LINGO2: variants seen among roughly 807,000 people sequenced by gnomAD.
LINGO2 encodes the protein leucine rich repeat and Ig domain containing 2, also known as leucine-rich repeat and immunoglobulin-like domain-containing nogo receptor-interacting protein 2.
LINGO2 carries 14 observed loss-of-function variants against 30.6 expected under a neutral mutation model. The ratio of observed to expected loss-of-function variants is 0.46; its 90% CI spans 0.30 to 0.72. LINGO2 has a LOEUF of 0.72. Among genes scored for constraint, LINGO2 ranks in the 30% least tolerant of loss-of-function variants. LINGO2 has a pLI of 0.07. For missense variants in LINGO2, 729 were observed against 751.7 expected (o/e 0.97, Z 0.35); for synonymous variants, 317 against 288.5 (o/e 1.10, Z -1.00).
At chr9:28,495,467 A>T (rs1332350017) in intron 1 of LINGO2, among the ~76,000 whole-genome samples, 3 of 152,202 alleles carry the variant, frequency 2.0e-5, no homozygotes, top group Non-Finnish European at 4.4e-5. Flanking sequence ...CATTTATTAA[A>T]TAGGGAATCC....
the LINGO2 span, among the ~76,000 whole-genome samples, chr9:29,037,424 T>C: frequency 6.6e-6 from 1 of 151,928 alleles, no homozygotes; most frequent in Non-Finnish European, 1.5e-5. Context: ...GTAGCTTATA[T>C]TATGTTAAAA....
Position 28,277,073 on chromosome 9 carries a change from A to C in LINGO2, c.-87+18135T>G, listed in dbSNP as rs148589225. Among the ~76,000 whole-genome samples the C allele has an allele frequency of 2.8e-3, 432 of 152,166 alleles. 3 individuals are homozygous for C. Among genetic ancestry groups the C allele is most frequent in the African/African-American group, 1.0e-2 (414 of 41,510 alleles). On this transcript the variant is annotated intron_variant, in intron 4 of 5. Coordinates refer to ENST00000379992, the Ensembl canonical transcript of LINGO2. ...ATTTTATTTTGCTTTGCTTTGTTGCACTTTGTGATACTGCATTTTTATACA... is the reference window on the plus strand; with the variant it reads ...ATTTTATTTTGCTTTGCTTTGTTGCCCTTTGTGATACTGCATTTTTATACA...
intron 5 of LINGO2, among the ~76,000 whole-genome samples, chr9:27,997,958 G>T: frequency 1.3e-5 from 2 of 148,486 alleles, no homozygotes; most frequent in Non-Finnish European, 3.0e-5. Flanking sequence ...TTTTTTTGGG[G>T]TGGGAGGGGG....
chr9:28,375,138 A>ACC (rs750645087), intron 2 of LINGO2, among the ~76,000 whole-genome samples: 1 of 122,204 alleles, frequency 8.2e-6, no homozygotes, highest in South Asian at 2.5e-4. Flanking sequence ...ACACACATAC[A>ACC]CCCCACACTA....
At chr9:28,740,895 CT>C in the LINGO2 span, among the ~76,000 whole-genome samples, 14 of 152,000 alleles carry the variant, frequency 9.2e-5, no homozygotes, top group Non-Finnish European at 2.1e-4. Context: ...TTCCTCATAT[CT>C]AACTGAATTG....
intron 2 of LINGO2, among the ~76,000 whole-genome samples, chr9:28,385,530 TTCTG>T (rs1398275155): frequency 6.6e-6 from 1 of 152,306 alleles, no homozygotes; most frequent in African/African-American, 2.4e-5. Context: ...ATTTTCTTCT[TTCTG>T]GGCAAATAAA....
At chr9:28,003,142 G>T (rs1281922588) in intron 5 of LINGO2, among the ~76,000 whole-genome samples, 1 of 152,154 alleles carries the variant, frequency 6.6e-6, no homozygotes, top group Non-Finnish European at 1.5e-5. Context: ...GAAAGCATTA[G>T]TGATCCTGCC....
the LINGO2 span, among the ~76,000 whole-genome samples, chr9:29,093,813 T>C: frequency 7.3e-6 from 1 of 137,050 alleles, no homozygotes; most frequent in Non-Finnish European, 1.6e-5. Flanking sequence ...AGGAAGAAAA[T>C]AGTGGAAATT....
chr9:28,078,843 T>C (rs1370304661), intron 4 of LINGO2, among the ~76,000 whole-genome samples: 1 of 133,580 alleles, frequency 7.5e-6, no homozygotes, highest in South Asian at 2.3e-4. Flanking sequence ...AGCAAAACTC[T>C]GTCAAAAAAA....
intron 4 of LINGO2, among the ~76,000 whole-genome samples, chr9:28,125,088 G>A (rs367882535): frequency 2.6e-5 from 4 of 152,290 alleles, no homozygotes; most frequent in South Asian, 4.1e-4. Flanking sequence ...CAGAACTCTG[G>A]AGCCAGAAAA....
intron 3 of LINGO2, among the ~76,000 whole-genome samples, chr9:28,312,388 G>A (rs1408157195): frequency 6.6e-6 from 1 of 151,552 alleles, no homozygotes; most frequent in Admixed American, 6.6e-5. Flanking sequence ...GGTGGTCAAG[G>A]AAAATAAGAA....
the LINGO2 span, among the ~76,000 whole-genome samples, chr9:28,824,274 A>G: frequency 6.6e-6 from 1 of 152,182 alleles, no homozygotes; most frequent in Non-Finnish European, 1.5e-5. Context: ...GGAGTGTGGA[A>G]CAAGATAGAA....
the LINGO2 span, among the ~76,000 whole-genome samples, chr9:28,708,448 C>T: frequency 1.3e-5 from 2 of 152,134 alleles, no homozygotes; most frequent in African/African-American, 4.8e-5. Flanking sequence ...CTTAGCTGCT[C>T]TCTTTCTCTG....
At chr9:28,759,478 C>T in the LINGO2 span, among the ~76,000 whole-genome samples, 1 of 151,716 alleles carries the variant, frequency 6.6e-6, no homozygotes, top group Non-Finnish European at 1.5e-5. Flanking sequence ...GTCAGGAGAT[C>T]GAGACCATCC....
chr9:29,110,845 C>A, the LINGO2 span, among the ~76,000 whole-genome samples: 5 of 151,930 alleles, frequency 3.3e-5, no homozygotes, highest in African/African-American at 1.2e-4. Flanking sequence ...CGCTCGCCAC[C>A]ACGCCCAGCT....
chr9:28,166,074 T>C (rs922538229), intron 4 of LINGO2, among the ~76,000 whole-genome samples: 4 of 152,212 alleles, frequency 2.6e-5, no homozygotes, highest in Admixed American at 6.5e-5. Flanking sequence ...TAAACAATTT[T>C]CATTAATGCA....
the LINGO2 span, among the ~76,000 whole-genome samples, chr9:29,068,296 C>T: frequency 6.6e-6 from 1 of 151,466 alleles, no homozygotes; most frequent in African/African-American, 2.4e-5. Context: ...AGCTAATATA[C>T]CATTAATTTT....
At chr9:28,398,701 C>T (rs1331904) in intron 2 of LINGO2, among the ~76,000 whole-genome samples, 50,312 of 151,428 alleles carry the variant, frequency 0.33, 8,580 homozygotes, top group Middle Eastern at 0.47. Flanking sequence ...TGAGTAAAAA[C>T]GAGACTGAGA....
chr9:28,354,661 C>T (rs958856339), intron 3 of LINGO2, among the ~76,000 whole-genome samples: 25 of 152,114 alleles, frequency 1.6e-4, no homozygotes, highest in Non-Finnish European at 2.8e-4. Context: ...ACACAACAAC[C>T]CTGTACACAT....
Sources: gnomAD v4.1 joint callset for allele counts (sites outside exome capture counted in the v4.1 genomes callset) on GRCh38, gnomAD v4.1.1 for gene constraint, MANE v1.5 for transcripts, NCBI Gene and HGNC (gene_info 2026-07-23, HGNC 2026-07-21) for gene names.